The following FRMD5 variants were observed in gnomAD, a reference collection of about 807,000 sequenced individuals.
The protein encoded by FRMD5 is FERM domain containing 5, also known as FERM domain-containing protein 5.
FRMD5 carries 20 observed loss-of-function variants against 69.0 expected under a neutral mutation model. That is an observed-to-expected ratio of 0.29 (90% CI 0.20 to 0.42). The LOEUF (loss-of-function observed/expected upper bound fraction) is 0.42. Ranked by LOEUF, FRMD5 falls within the 10% of genes least tolerant of loss-of-function variation. FRMD5 has a pLI of 1.00. For synonymous variants in FRMD5, 271 were observed against 260.1 expected (o/e 1.04, Z -0.40); for missense variants, 595 against 708.6 (o/e 0.84, Z 1.82).
chr15:44,062,254 A>G (rs549349348), intron 1 of FRMD5, among the ~76,000 whole-genome samples: 3 of 152,182 alleles, frequency 2.0e-5, no homozygotes, highest in African/African-American at 7.2e-5. Context: ...TAAGTCCCAA[A>G]TTTCCTTCTC....
chr15:44,180,014 G>A lies in FRMD5; in HGVS notation c.102+14939C>T, dbSNP rs2140560342. ...TGCTCCACACCTGTGAACAGACACT[G>A]CATTCCAGCCTGGACAAGATAGTGA... is the stretch of plus-strand genomic sequence containing the variant. On this transcript the variant is annotated intron_variant, in intron 1 of 13. Coordinates refer to ENST00000417257, the MANE Select transcript of FRMD5 (RefSeq NM_032892.5). 1.4e-5 allele frequency among the ~76,000 whole-genome samples: 2 copies of A among 138,940 alleles called. 1 individual carries two copies. Among genetic ancestry groups the A allele is most frequent in the South Asian group, 4.8e-4 (2 of 4,192 alleles). 91.2% of individuals were successfully genotyped at this position (138,940 alleles called of 152,430 possible).
chr15:43,930,811 G>A (rs11631901), intron 1 of FRMD5, among the ~76,000 whole-genome samples: 15,617 of 152,206 alleles, frequency 0.1, 1,178 homozygotes, highest in African/African-American at 0.21. Flanking sequence ...GGATGTGCAC[G>A]TGGGGTGGGG....
intron 1 of FRMD5, among the ~76,000 whole-genome samples, chr15:43,992,739 G>A (rs984336836): frequency 2.0e-5 from 3 of 151,416 alleles, no homozygotes; most frequent in African/African-American, 7.3e-5. Flanking sequence ...TTAGAGATGG[G>A]GTATTCCTCT....
chr15:43,916,067 C>T (rs1297590893), intron 4 of FRMD5, among the ~76,000 whole-genome samples: 1 of 152,172 alleles, frequency 6.6e-6, no homozygotes, highest in Non-Finnish European at 1.5e-5. Flanking sequence ...GTTCACACTC[C>T]TGACAATGCT....
At chr15:44,115,537 G>T (rs1175548664) in intron 1 of FRMD5, among the ~76,000 whole-genome samples, 3 of 152,136 alleles carry the variant, frequency 2.0e-5, no homozygotes, top group Non-Finnish European at 4.4e-5. Flanking sequence ...GATATTATAT[G>T]AAACTACAGA....
intron 1 of FRMD5, among the ~76,000 whole-genome samples, chr15:44,133,186 C>T (rs2140425010): frequency 6.8e-6 from 1 of 146,620 alleles, no homozygotes; most frequent in South Asian, 2.2e-4. Context: ...TGCACTCCAG[C>T]CTGGCGACAC....
intron 1 of FRMD5, chr15:43,989,166 G>T: frequency 1.1e-6 from 1 of 889,918 alleles, no homozygotes; most frequent in Non-Finnish European, 1.9e-6. Flanking sequence ...TGGAGCTGCC[G>T]ATCCACACGG....
chr15:44,063,771 G>T, intron 1 of FRMD5: 1 of 327,286 alleles, frequency 3.1e-6, no homozygotes, highest in South Asian at 2.7e-5. Context: ...AAATCAAATG[G>T]GGTGATGCTG....
At chr15:44,027,710 G>A (rs1250132340) in intron 1 of FRMD5, among the ~76,000 whole-genome samples, 1 of 148,694 alleles carries the variant, frequency 6.7e-6, no homozygotes, top group Non-Finnish European at 1.5e-5. Flanking sequence ...GAGTGCAGTG[G>A]TGCCATCTCA....
At chr15:44,117,378 G>A (rs780241368) in intron 1 of FRMD5, among the ~76,000 whole-genome samples, 3 of 152,126 alleles carry the variant, frequency 2.0e-5, no homozygotes, top group Admixed American at 6.5e-5. Flanking sequence ...GCAAGGAATC[G>A]AGAAAAATTA....
intron 1 of FRMD5, among the ~76,000 whole-genome samples, chr15:43,999,343 C>G (rs1343843634): frequency 6.6e-6 from 1 of 152,198 alleles, no homozygotes; most frequent in Admixed American, 6.5e-5. Flanking sequence ...GCTAGGATTA[C>G]AGGTGTGAGC....
chr15:44,113,572 CT>C (rs1238340347), intron 1 of FRMD5, among the ~76,000 whole-genome samples: 1 of 152,102 alleles, frequency 6.6e-6, no homozygotes, highest in Non-Finnish European at 1.5e-5. Context: ...TTATATACTC[CT>C]TTAGTTATTT....
chr15:43,888,157 T>C lies in FRMD5; in HGVS notation c.884+18A>G. On this transcript the variant is annotated intron_variant, in intron 10 of 13. Coordinates refer to ENST00000417257, the MANE Select transcript of FRMD5 (RefSeq NM_032892.5). Reference sequence around the variant, plus strand: ...CTGGCTCTAAGAAAGACAGTCCCCATCACATGTATCCACTCACTTGTAGAA... The same window carrying C: ...CTGGCTCTAAGAAAGACAGTCCCCACCACATGTATCCACTCACTTGTAGAA... 1.3e-6 allele frequency: 2 copies of C among 1,573,082 alleles called. No homozygotes were observed. The highest frequency in any genetic ancestry group is 1.8e-6 in the Non-Finnish European group (2 of 1,142,846).
intron 1 of FRMD5, among the ~76,000 whole-genome samples, chr15:43,996,362 C>T (rs1048951401): frequency 6.6e-6 from 1 of 152,142 alleles, no homozygotes; most frequent in Non-Finnish European, 1.5e-5. Flanking sequence ...CCGGTACTCA[C>T]TCTCCTTCCC....
chr15:43,984,164 T>C (rs1411795664), intron 1 of FRMD5, among the ~76,000 whole-genome samples: 3 of 152,342 alleles, frequency 2.0e-5, no homozygotes, highest in Non-Finnish European at 2.9e-5. Context: ...AAAGGGATGA[T>C]GCTCTACTCC....
intron 1 of FRMD5, among the ~76,000 whole-genome samples, chr15:43,987,512 G>A (rs915304644): frequency 2.6e-5 from 4 of 152,130 alleles, no homozygotes; most frequent in South Asian, 2.1e-4. Flanking sequence ...GTTTCGGGAT[G>A]ATTCCAGCAC....
intron 1 of FRMD5, among the ~76,000 whole-genome samples, chr15:44,037,295 T>C (rs939328565): frequency 3.3e-5 from 5 of 152,160 alleles, no homozygotes; most frequent in South Asian, 2.1e-4. Context: ...GCTTCATCCA[T>C]ATCCCTGCAA....
chr15:44,187,537 C>A lies in FRMD5; in HGVS notation c.102+7416G>T, dbSNP rs540134019. Among the ~76,000 whole-genome samples, 89 of 151,186 alleles carry A rather than the reference C, an allele frequency of 5.9e-4. 2 individuals are homozygous for A. Among genetic ancestry groups the A allele is most frequent in the Admixed American group, 5.3e-4 (8 of 15,200 alleles). On this transcript the variant is annotated intron_variant, in intron 1 of 13. Coordinates refer to ENST00000417257, the MANE Select transcript of FRMD5 (RefSeq NM_032892.5). Reference sequence around the variant, plus strand: ...TTAACTCAGCCTCTAATGCTCTTTACGCATCCCCATGCCATTTTTGCTTTT... The same window carrying A: ...TTAACTCAGCCTCTAATGCTCTTTAAGCATCCCCATGCCATTTTTGCTTTT...
chr15:43,986,513 A>T (rs967210671), intron 1 of FRMD5, among the ~76,000 whole-genome samples: 1 of 152,228 alleles, frequency 6.6e-6, no homozygotes, highest in Admixed American at 6.5e-5. Context: ...GATGTCCCAG[A>T]GGAAGTGATG....
Sources: allele counts gnomAD v4.1 joint callset (sites outside exome capture counted in the v4.1 genomes callset), GRCh38; gene constraint gnomAD v4.1.1; transcripts MANE v1.5; gene names NCBI Gene and HGNC (gene_info 2026-07-23, HGNC 2026-07-21).